The following PALM2AKAP2 variants were observed in gnomAD, a reference collection of about 807,000 sequenced individuals.
PALM2AKAP2 encodes the protein PALM2 and AKAP2 fusion.
In PALM2AKAP2, 37 loss-of-function variants were observed where a neutral mutation model predicts 71.5. The ratio of observed to expected loss-of-function variants is 0.52; its 90% CI spans 0.40 to 0.68. The LOEUF (loss-of-function observed/expected upper bound fraction) is 0.68. PALM2AKAP2 is among the 30% of genes least tolerant of loss of function. The probability of loss-of-function intolerance (pLI) is 0.00; values close to 1 mark genes in which losing one functional copy is unlikely to be tolerated. For synonymous variants in PALM2AKAP2, 468 were observed against 478.8 expected (o/e 0.98, Z 0.29); for missense variants, 1,224 against 1,191.8 (o/e 1.03, Z -0.40).
chr9:109,713,176 A>G (rs1410383987), intron 1 of PALM2AKAP2, among the ~76,000 whole-genome samples: 3 of 152,214 alleles, frequency 2.0e-5, no homozygotes, highest in Admixed American at 2.0e-4. Context: ...TACTTGGCAC[A>G]TGGCAGGCAT....
chr9:109,692,149 T>C (rs975352125), intron 1 of PALM2AKAP2, among the ~76,000 whole-genome samples: 6 of 151,306 alleles, frequency 4.0e-5, no homozygotes, highest in African/African-American at 1.4e-4. Context: ...TGTAAGTCAA[T>C]GGTTTTTACT....
At chr9:110,123,308 G>A (rs890490016) in intron 1 of PALM2AKAP2, among the ~76,000 whole-genome samples, 1 of 152,172 alleles carries the variant, frequency 6.6e-6, no homozygotes, top group African/African-American at 2.4e-5. Context: ...AGCAGAGTTG[G>A]TTCCTTTGGA....
intron 5 of PALM2AKAP2, among the ~76,000 whole-genome samples, chr9:109,927,528 C>T (rs1264434257): frequency 2.0e-5 from 3 of 152,172 alleles, no homozygotes; most frequent in Non-Finnish European, 2.9e-5. Context: ...CATCCCAACT[C>T]GTGAGGTGCT....
intron 6 of PALM2AKAP2, among the ~76,000 whole-genome samples, chr9:109,955,886 G>A (rs1343300908): frequency 6.6e-6 from 1 of 151,610 alleles, no homozygotes; most frequent in Non-Finnish European, 1.5e-5. Flanking sequence ...GCAGTGAGCC[G>A]AGATCGTGCC....
At chr9:110,094,966 C>T (rs1049638154) in intron 1 of PALM2AKAP2, among the ~76,000 whole-genome samples, 31 of 152,166 alleles carry the variant, frequency 2.0e-4, no homozygotes, top group African/African-American at 7.5e-4. Flanking sequence ...GTGGCCTGGC[C>T]ACACTATTTG....
At chr9:110,066,206 TC>T (rs1834075807) in intron 1 of PALM2AKAP2, among the ~76,000 whole-genome samples, 1 of 150,050 alleles carries the variant, frequency 6.7e-6, no homozygotes, top group Non-Finnish European at 1.5e-5. Flanking sequence ...GTGTGGAGTT[TC>T]TGGAAGAGGA....
In PALM2AKAP2 at chr9:110,094,573, T is replaced by C. The variant is rs143582399; in HGVS notation, c.157-41554T>C. Among the ~76,000 whole-genome samples, 771 of 150,610 alleles carry C rather than the reference T, an allele frequency of 5.1e-3. 5 individuals are homozygous for C. The highest frequency in any genetic ancestry group is 0.018 in the African/African-American group (735 of 41,190). On this transcript the variant is annotated intron_variant, in intron 1 of 3. Transcript: ENST00000374525. ...GCAAAGGGGGAGTGAGCACTTCATA[T>C]AGCCAGGGCAGGAAGAAAGGGAGTG...
At chr9:110,072,756 C>A (rs1029810257) in intron 1 of PALM2AKAP2, among the ~76,000 whole-genome samples, 4 of 152,182 alleles carry the variant, frequency 2.6e-5, no homozygotes, top group Non-Finnish European at 1.5e-5. Flanking sequence ...CCCACATAAC[C>A]CACCTTGGGG....
At chr9:109,692,663 A>G (rs757019944) in intron 1 of PALM2AKAP2, among the ~76,000 whole-genome samples, 4 of 151,930 alleles carry the variant, frequency 2.6e-5, no homozygotes, top group Non-Finnish European at 5.9e-5. Context: ...AATTTTGTCA[A>G]ATGGTTTTTC....
chr9:110,046,423 G>T (rs542403260), upstream of PALM2AKAP2, among the ~76,000 whole-genome samples: 2 of 149,466 alleles, frequency 1.3e-5, no homozygotes, highest in South Asian at 4.2e-4. Flanking sequence ...CGTTGTTTTA[G>T]TAAAGAAGCA....
intron 1 of PALM2AKAP2, among the ~76,000 whole-genome samples, chr9:109,795,327 G>A (rs1827222494): frequency 6.6e-6 from 1 of 152,076 alleles, no homozygotes. Context: ...TTTACCATTA[G>A]GGATTTATCC....
At chr9:109,839,475 C>T (rs527755308) in intron 1 of PALM2AKAP2, among the ~76,000 whole-genome samples, 1 of 152,150 alleles carries the variant, frequency 6.6e-6, no homozygotes, top group African/African-American at 2.4e-5. Flanking sequence ...AAAACTGGCA[C>T]AAGACAGGGA....
chr9:109,675,785 A>T (rs577325496), intron 1 of PALM2AKAP2, among the ~76,000 whole-genome samples: 3 of 152,286 alleles, frequency 2.0e-5, no homozygotes, highest in Non-Finnish European at 4.4e-5. Flanking sequence ...GTCTCCAATT[A>T]TGCCTGGACA....
intron 7 of PALM2AKAP2, among the ~76,000 whole-genome samples, chr9:110,017,970 C>T (rs997597788): frequency 6.6e-6 from 1 of 152,106 alleles, no homozygotes; most frequent in Admixed American, 6.5e-5. Context: ...TCATGGTCCG[C>T]CTGCCTCAGC....
intron 1 of PALM2AKAP2, among the ~76,000 whole-genome samples, chr9:109,860,450 C>A (rs893448472): frequency 2.0e-5 from 3 of 152,108 alleles, no homozygotes; most frequent in Non-Finnish European, 2.9e-5. Flanking sequence ...CAGATAAAAC[C>A]TAGGTATCCT....
intron 2 of PALM2AKAP2, among the ~76,000 whole-genome samples, chr9:109,874,333 A>T (rs1829672078): frequency 6.6e-6 from 1 of 152,222 alleles, no homozygotes; most frequent in South Asian, 2.1e-4. Flanking sequence ...GCAAAAAAGA[A>T]AAAAGGATTC....
chr9:109,797,102 G>GCTAC (rs1827280748), intron 1 of PALM2AKAP2, among the ~76,000 whole-genome samples: 2 of 152,138 alleles, frequency 1.3e-5, no homozygotes, highest in South Asian at 4.1e-4. Context: ...TTTGCCTGAT[G>GCTAC]CTACCTCTTT....
In PALM2AKAP2 at chr9:109,824,894, G is replaced by A. The variant is rs17202756; in HGVS notation, c.46-42597G>A. ...TTATGATTGCTGTTAACGATGTCAT[G>A]TTTAAGTAAGGAAAGAAGGTTTTGA... On this transcript the variant is annotated intron_variant, in intron 1 of 9. Coordinates refer to the PALM2AKAP2 transcript ENST00000302798. 1.1e-4 allele frequency among the ~76,000 whole-genome samples: 17 copies of A among 152,324 alleles called. No homozygotes were observed. The East Asian group carries it at 3.3e-3, about 29-fold the overall frequency.
chr9:109,739,718 A>G (rs1828689807), intron 1 of PALM2AKAP2, among the ~76,000 whole-genome samples: 1 of 152,200 alleles, frequency 6.6e-6, no homozygotes, highest in South Asian at 2.1e-4. Context: ...GACACTTTCA[A>G]TAATAACTTT....
Sources: allele counts gnomAD v4.1 joint callset (sites outside exome capture counted in the v4.1 genomes callset), GRCh38; gene constraint gnomAD v4.1.1; transcripts MANE v1.5; gene names NCBI Gene and HGNC (gene_info 2026-07-23, HGNC 2026-07-21).